ZC2HC1B: variants seen among roughly 807,000 people sequenced by gnomAD.
ZC2HC1B encodes zinc finger C2HC-type containing 1B, also known as zinc finger C2HC domain-containing protein 1B.
Under a neutral mutation model 31.0 loss-of-function variants are expected in ZC2HC1B, and 36 were observed. The ratio of observed to expected loss-of-function variants is 1.16; its 90% CI spans 0.89 to 1.54. The LOEUF (loss-of-function observed/expected upper bound fraction) is 1.54. Among genes scored for constraint, ZC2HC1B ranks in the 40% most tolerant of loss-of-function variants. The probability of loss-of-function intolerance (pLI) is 0.00; values close to 1 mark genes in which losing one functional copy is unlikely to be tolerated. For synonymous variants in ZC2HC1B, 73 were observed against 88.0 expected (o/e 0.83, Z 0.95); for missense variants, 260 against 268.6 (o/e 0.97, Z 0.22).
chr6:143,897,664 T>C (rs1228316888), intron 4 of ZC2HC1B, among the ~76,000 whole-genome samples: 2 of 151,798 alleles, frequency 1.3e-5, no homozygotes, highest in African/African-American at 2.4e-5. Context: ...ACTATCTCCT[T>C]CCTGAATATA....
At chr6:143,902,423 T>G (rs899578319) in intron 5 of ZC2HC1B, among the ~76,000 whole-genome samples, 1 of 152,232 alleles carries the variant, frequency 6.6e-6, no homozygotes, top group African/African-American at 2.4e-5. Flanking sequence ...CAGCCATTCT[T>G]GCCCAAGTGA....
chr6:143,937,649 G>A lies in ZC2HC1B; in HGVS notation c.599G>A (p.Gly200Glu). Residue 200 changes from glycine to glutamate, a missense_variant and splice_region_variant, in exon 7 of 8, where the codon GGA (glycine) becomes GAA (glutamate). By Grantham distance (98) the Gly-to-Glu change is moderately conservative. Coordinates refer to ENST00000237275, the MANE Select transcript of ZC2HC1B (RefSeq NM_001013623.3). ...AACAAATCTGTTTATGTTTGCAAAG[G>A]ATTAGCTATGGACCCTGCTTCTGGA... ...VATNEVPTKS[G>E]LAMDPASGAK... 4 of 1,547,242 alleles carry A rather than the reference G, an allele frequency of 2.6e-6. No individual in the cohort carries two copies. In the South Asian group the frequency reaches 3.6e-5, roughly 14 times the overall value.
chr6:143,904,465 G>C (rs1777771414), intron 6 of ZC2HC1B, among the ~76,000 whole-genome samples: 1 of 152,120 alleles, frequency 6.6e-6, no homozygotes, highest in African/African-American at 2.4e-5. Context: ...AGGCTCAAGT[G>C]ATCCTCCCAC....
rs1777526246 is a variant in ZC2HC1B at position 143,885,943 on chromosome 6, C to T, written c.91-89C>T. On this transcript the variant is annotated intron_variant, in intron 2 of 7. Coordinates refer to ENST00000237275, the MANE Select transcript of ZC2HC1B (RefSeq NM_001013623.3). This position sits in a 1 kb window ranked among gnomAD's most constrained non-coding sequence, Gnocchi z 4.2. ...CTAGGCTCTGAGGAGCAAACATAGT[C>T]CCTGGAGTGGGGGCTGTCTAGGTAC... 1 of 1,378,424 alleles carries T rather than the reference C, an allele frequency of 7.3e-7. No individual in the cohort carries two copies. Among genetic ancestry groups the T allele is most frequent in the Non-Finnish European group, 9.5e-7 (1 of 1,056,964 alleles). 85.4% of individuals were successfully genotyped at this position (1,378,424 alleles called of 1,614,324 possible). A position where few individuals can be genotyped will look rare whatever the true frequency, so the allele number is the denominator to read the frequency against.
intron 6 of ZC2HC1B, among the ~76,000 whole-genome samples, chr6:143,904,954 A>G (rs1777777468): frequency 6.6e-6 from 1 of 152,188 alleles, no homozygotes; most frequent in Non-Finnish European, 1.5e-5. Flanking sequence ...TTATGCCAGT[A>G]TTATATTTCC....
chr6:143,888,311 A>G (rs1234810503), intron 4 of ZC2HC1B, among the ~76,000 whole-genome samples: 1 of 152,096 alleles, frequency 6.6e-6, no homozygotes, highest in Non-Finnish European at 1.5e-5. Flanking sequence ...GTAGTATTCT[A>G]GTAATTTTTG....
At chr6:143,892,550 G>A (rs1427076606) in intron 4 of ZC2HC1B, among the ~76,000 whole-genome samples, 5 of 152,000 alleles carry the variant, frequency 3.3e-5, no homozygotes, top group South Asian at 2.1e-4. Flanking sequence ...CGCCTGCCTC[G>A]GCCTCTCAAA....
rs1777504977 is a variant in ZC2HC1B at position 143,884,228 on chromosome 6, C to T, written c.29-76C>T. 7.5e-7 allele frequency: 1 copy of T among 1,335,384 alleles called. No individual in the cohort carries two copies. Among genetic ancestry groups the T allele is most frequent in the Non-Finnish European group, 1.0e-6 (1 of 975,342 alleles). The allele number at this position is 1,335,384 out of a possible 1,614,324, so 82.7% of individuals were successfully genotyped here. ...AGTGAGGATATCAAGCTATTGAGGT[C>T]ACCTCCAGTCAGTCATTTCTTCTCA... On this transcript the variant is annotated intron_variant, in intron 1 of 7. Transcript: ENST00000237275. This position sits in a 1 kb window ranked among gnomAD's most constrained non-coding sequence, Gnocchi z 5.1.
intron 6 of ZC2HC1B, among the ~76,000 whole-genome samples, chr6:143,914,359 G>A (rs1050691603): frequency 1.3e-5 from 2 of 152,094 alleles, no homozygotes; most frequent in East Asian, 3.8e-4. Context: ...GCTTAAGAGT[G>A]TGTTGTTTAA....
At position 143,899,604 on chromosome 6, in the gene ZC2HC1B, T is replaced by A. The variant is rs2128494955; in HGVS notation, c.489+913T>A. Among the ~76,000 whole-genome samples, 1 of 152,306 alleles carries A rather than the reference T, an allele frequency of 6.6e-6. No homozygotes were observed. The highest frequency in any genetic ancestry group is 1.5e-5 in the Non-Finnish European group (1 of 68,028). On this transcript the variant is annotated intron_variant, in intron 5 of 7. Transcript: ENST00000237275. This position sits in a 1 kb window ranked among gnomAD's most constrained non-coding sequence, Gnocchi z 5.0. Reference sequence around the variant, plus strand: ...GTTGCTCAGGCTGGTCTCAAACTCCTGGGCCCAAGCAATCTGCCCTCTTCA... The same window carrying A: ...GTTGCTCAGGCTGGTCTCAAACTCCAGGGCCCAAGCAATCTGCCCTCTTCA...
At chr6:143,916,279 A>T (rs1777915554) in intron 6 of ZC2HC1B, among the ~76,000 whole-genome samples, 1 of 152,196 alleles carries the variant, frequency 6.6e-6, no homozygotes, top group African/African-American at 2.4e-5. Flanking sequence ...TCAAGAACTG[A>T]GGTTTGGGAA....
rs1285046808 is a variant in ZC2HC1B at position 143,873,538 on chromosome 6, C to A, written c.28+8971C>A. Among the ~76,000 whole-genome samples, 3 of 152,358 alleles carry A rather than the reference C, an allele frequency of 2.0e-5. No individual in the cohort carries two copies. The East Asian group carries it at 5.8e-4, about 29-fold the overall frequency. The stretch of plus-strand genomic sequence containing the variant: ...AGAGGTTCTCCATGAGGACCCCACC[C>A]CTGCAGCAAACTTTTGCCTGAGAAT... On this transcript the variant is annotated intron_variant, in intron 1 of 7. Coordinates refer to ENST00000237275, the MANE Select transcript of ZC2HC1B (RefSeq NM_001013623.3).
chr6:143,905,601 AGTG>A lies in ZC2HC1B; in HGVS notation c.598+2453_598+2455del, dbSNP rs1390594864. Among the ~76,000 whole-genome samples the A allele has an allele frequency of 6.6e-6, 1 of 152,150 alleles. No individual in the cohort carries two copies. The highest frequency in any genetic ancestry group is 1.5e-5 in the Non-Finnish European group (1 of 68,022). On this transcript the variant is annotated intron_variant, in intron 6 of 7. Coordinates refer to ENST00000237275, the MANE Select transcript of ZC2HC1B (RefSeq NM_001013623.3). The surrounding 1 kb of genome is among the most constrained non-coding windows in gnomAD (Gnocchi z 4.2). ...AACTTCTAGTACTTCATTAAATAGA[AGTG>A]GTGAAAATTAGCACACTTGCATTGT... is the stretch of plus-strand genomic sequence containing the variant.
In ZC2HC1B at chr6:143,886,440, T is replaced by G. The variant is rs1777530888; in HGVS notation, c.211-243T>G. 6.6e-6 allele frequency among the ~76,000 whole-genome samples: 1 copy of G among 152,220 alleles called. No homozygotes were observed. The highest frequency in any genetic ancestry group is 6.5e-5 in the Admixed American group (1 of 15,284). The stretch of plus-strand genomic sequence containing the variant: ...CTTTTAATCTACATTTGCTTTTCTT[T>G]AAAGTTTTATAGTTTCTTTATTTTT... On this transcript the variant is annotated intron_variant, in intron 3 of 7. Coordinates refer to ENST00000237275, the MANE Select transcript of ZC2HC1B (RefSeq NM_001013623.3). This position sits in a 1 kb window ranked among gnomAD's most constrained non-coding sequence, Gnocchi z 4.2.
chr6:143,903,031 T>C lies in ZC2HC1B; in HGVS notation c.490-13T>C, dbSNP rs118159847. 2,091 of 1,551,238 alleles carry C rather than the reference T, an allele frequency of 1.3e-3. 21 individuals are homozygous for C. The East Asian group carries it at 0.024, about 18-fold the overall frequency. On this transcript the variant is annotated splice_polypyrimidine_tract_variant and intron_variant, in intron 5 of 7. Coordinates refer to ENST00000237275, the MANE Select transcript of ZC2HC1B (RefSeq NM_001013623.3). The surrounding 1 kb of genome is among the most constrained non-coding windows in gnomAD (Gnocchi z 4.3). The stretch of plus-strand genomic sequence containing the variant: ...AAGGTGTTCTCTTTGTCTCTTTCTT[T>C]CTCTCTCTGTAGGGTAGGGCTCAGA...
rs767242223 is a variant in ZC2HC1B at position 143,899,607 on chromosome 6, G to T, written c.489+916G>T. On this transcript the variant is annotated intron_variant, in intron 5 of 7. Coordinates refer to ENST00000237275, the MANE Select transcript of ZC2HC1B (RefSeq NM_001013623.3). This position sits in a 1 kb window ranked among gnomAD's most constrained non-coding sequence, Gnocchi z 5.0. ...GCTCAGGCTGGTCTCAAACTCCTGG[G>T]CCCAAGCAATCTGCCCTCTTCAGCC... Among the ~76,000 whole-genome samples the T allele has an allele frequency of 3.7e-4, 56 of 152,098 alleles. No individual in the cohort carries two copies. Among genetic ancestry groups the T allele is most frequent in the Non-Finnish European group, 5.4e-4 (37 of 68,004 alleles).
At chr6:143,919,483 C>T (rs545784142) in intron 6 of ZC2HC1B, among the ~76,000 whole-genome samples, 76 of 152,218 alleles carry the variant, frequency 5.0e-4, no homozygotes, top group Admixed American at 1.4e-3. Context: ...CCCTTTAAAT[C>T]CCCTGGAAGT....
In ZC2HC1B at chr6:143,869,612, G is replaced by A. The variant is rs1202219762; in HGVS notation, c.28+5045G>A. ...GAGGATAGGCAAACCCATATCCAGA[G>A]TGAGTGTTTATTCCAGTGAGGAGAA... On this transcript the variant is annotated intron_variant, in intron 1 of 7. Transcript: ENST00000237275. This position sits in a 1 kb window ranked among gnomAD's most constrained non-coding sequence, Gnocchi z 5.2. Among the ~76,000 whole-genome samples, 1 of 152,234 alleles carries A rather than the reference G, an allele frequency of 6.6e-6. No homozygotes were observed. The highest frequency in any genetic ancestry group is 1.5e-5 in the Non-Finnish European group (1 of 68,036).
intron 6 of ZC2HC1B, among the ~76,000 whole-genome samples, chr6:143,916,851 T>C (rs543817342): frequency 2.0e-5 from 3 of 152,314 alleles, no homozygotes; most frequent in African/African-American, 4.8e-5. Flanking sequence ...TACAGGCTCA[T>C]AGGTGGAAGG....
Sources: gnomAD v4.1 joint callset for allele counts (sites outside exome capture counted in the v4.1 genomes callset) on GRCh38, gnomAD v4.1.1 for gene constraint, Gnocchi (gnomAD v3.1) non-coding constraint, MANE v1.5 for transcripts, NCBI Gene and HGNC (gene_info 2026-07-23, HGNC 2026-07-21) for gene names.